Variants in CDK15 observed in about 807,000 individuals in gnomAD.
CDK15 encodes cyclin dependent kinase 15.
A neutral mutation model predicts 60.3 loss-of-function variants in CDK15; 62 were observed. The ratio of observed to expected loss-of-function variants is 1.03; its 90% CI spans 0.84 to 1.27. The LOEUF (loss-of-function observed/expected upper bound fraction) is 1.27, where lower values mean the gene tolerates loss of function less well. Among genes scored for constraint, CDK15 ranks in the 50% most tolerant of loss-of-function variants. The pLI, the probability that CDK15 is intolerant of heterozygous loss-of-function variation, is 0.00. For synonymous variants in CDK15, 194 were observed against 195.7 expected, an observed-to-expected ratio of 0.99 and a Z score of 0.07; for missense variants, 541 against 527.8, an observed-to-expected ratio of 1.03 and a Z score of -0.25.
intron 11 of CDK15, among the ~76,000 whole-genome samples, chr2:201,879,769 C>G (rs145592773): frequency 6.6e-6 from 1 of 151,992 alleles, no homozygotes; most frequent in Non-Finnish European, 1.5e-5. Flanking sequence ...TACATGGTGC[C>G]CAGACACACG....
At chr2:201,889,630 G>C (rs996560619) in intron 12 of CDK15, among the ~76,000 whole-genome samples, 5 of 152,130 alleles carry the variant, frequency 3.3e-5, no homozygotes, top group Non-Finnish European at 7.4e-5. Context: ...CAGGCACTTG[G>C]GAAAATGCGA....
intron 12 of CDK15, among the ~76,000 whole-genome samples, chr2:201,884,177 A>C (rs1032571248): frequency 6.6e-6 from 1 of 152,140 alleles, no homozygotes; most frequent in Non-Finnish European, 1.5e-5. Flanking sequence ...CAGGACATCA[A>C]AGGCTGTCTC....
At position 201,806,773 on chromosome 2, in the gene CDK15, G is replaced by A; in HGVS notation, c.109G>A (p.Glu37Lys). The stretch of plus-strand genomic sequence containing the variant: ...TCGGAGGAGTCAGCCTGAGACCACG[G>A]AGGCTGCGTTCAAGGTATTTGTATC... ...SCRRSQPETT[E>K]AAFKLTDLKE... Residue 37 changes from glutamate (E) to lysine (K), a missense_variant, in exon 1 of 14, where the codon GAG becomes AAG. Coordinates refer to ENST00000652192, the MANE Select transcript of CDK15 (RefSeq NM_001366386.2). 3 of 1,598,490 alleles carry A rather than the reference G, an allele frequency of 1.9e-6. No homozygotes were observed. Among genetic ancestry groups the A allele is most frequent in the Non-Finnish European group, 2.5e-6 (3 of 1,179,676 alleles).
rs534780642 is a variant in CDK15 at position 201,826,182 on chromosome 2, C to T, written c.606+2455C>T. 7.2e-5 allele frequency among the ~76,000 whole-genome samples: 11 copies of T among 152,264 alleles called. No homozygotes were observed. In the East Asian group the frequency reaches 9.7e-4, roughly 13 times the overall value. On this transcript the variant is annotated intron_variant, in intron 6 of 13. Coordinates refer to ENST00000652192, the MANE Select transcript of CDK15 (RefSeq NM_001366386.2). ...TAGTTTCAAGAAGTTTCAGATCGGCCGGGCGCAGTGGCTCACGCCTGTAAT... is the reference window on the plus strand; with the variant it reads ...TAGTTTCAAGAAGTTTCAGATCGGCTGGGCGCAGTGGCTCACGCCTGTAAT...
intron 3 of CDK15, among the ~76,000 whole-genome samples, chr2:201,808,285 AGCGTCT>A (rs1695605601): frequency 6.6e-6 from 1 of 152,218 alleles, no homozygotes; most frequent in Admixed American, 6.5e-5. Context: ...CAGTTGGTAA[AGCGTCT>A]CTAACAGGTT....
chr2:201,888,628 T>A (rs956416493), intron 12 of CDK15: 1 of 1,412,286 alleles, frequency 7.1e-7, no homozygotes, highest in African/African-American at 1.5e-5. Context: ...TTTCTATGAG[T>A]TGGGAAGGAG....
intron 4 of CDK15, among the ~76,000 whole-genome samples, chr2:201,818,401 G>T (rs1026470937): frequency 1.3e-5 from 2 of 152,194 alleles, no homozygotes; most frequent in African/African-American, 4.8e-5. Flanking sequence ...AGTATTTTAT[G>T]AGACTCAGAA....
At chr2:201,868,897 G>A (rs1029358005) in intron 10 of CDK15, among the ~76,000 whole-genome samples, 7 of 152,226 alleles carry the variant, frequency 4.6e-5, no homozygotes, top group African/African-American at 1.7e-4. Flanking sequence ...TGGAGAGGAT[G>A]TGGAGAAATA....
At chr2:201,869,530 A>G (rs770998981) in intron 10 of CDK15, among the ~76,000 whole-genome samples, 2 of 152,080 alleles carry the variant, frequency 1.3e-5, no homozygotes, top group African/African-American at 2.4e-5. Context: ...AAGTACAATA[A>G]TGAAAAAAAT....
chr2:201,816,455 G>GTTTTTTTTTTTTTTTTTT (rs55930032), intron 4 of CDK15, among the ~76,000 whole-genome samples: 7 of 79,854 alleles, frequency 8.8e-5, no homozygotes, highest in Admixed American at 1.6e-4. Flanking sequence ...TAAGGAAATG[G>GTTTTTTTTTTTTTTTTTT]TTTTTTTTTT....
chr2:201,869,557 GA>G (rs1179677621), intron 10 of CDK15, among the ~76,000 whole-genome samples: 16 of 150,286 alleles, frequency 1.1e-4, no homozygotes, highest in East Asian at 3.9e-4. Flanking sequence ...AAAAAAATCA[GA>G]AAAAAAAAGA....
At chr2:201,869,273 G>T (rs561041720) in intron 10 of CDK15, among the ~76,000 whole-genome samples, 3 of 151,540 alleles carry the variant, frequency 2.0e-5, no homozygotes, top group Non-Finnish European at 4.4e-5. Flanking sequence ...GCAAACTATC[G>T]CAAGGACAGA....
chr2:201,841,133 A>T (rs941666965), intron 8 of CDK15, among the ~76,000 whole-genome samples: 1 of 152,222 alleles, frequency 6.6e-6, no homozygotes, highest in African/African-American at 2.4e-5. Flanking sequence ...ACTATGTATT[A>T]GGTTGGTGCA....
intron 11 of CDK15, among the ~76,000 whole-genome samples, chr2:201,877,862 T>C (rs1022730681): frequency 3.9e-5 from 6 of 152,254 alleles, no homozygotes; most frequent in Non-Finnish European, 5.9e-5. Flanking sequence ...AGAAACAGTT[T>C]CATGTCTTGG....
chr2:201,807,959 G>A lies in CDK15; in HGVS notation c.368+7G>A. 6.2e-7 allele frequency: 1 copy of A among 1,610,294 alleles called. No individual in the cohort carries two copies. Among genetic ancestry groups the A allele is most frequent in the Non-Finnish European group, 8.5e-7 (1 of 1,177,972 alleles). ...TTTACAAGGGGATTAGCAGGTGAGT[G>A]ACACATAGCTGGGAGAGACTTTAGA... On this transcript the variant is annotated splice_region_variant and intron_variant, in intron 3 of 13. Transcript: ENST00000652192.
chr2:201,830,094 C>T (rs889807656), intron 6 of CDK15, among the ~76,000 whole-genome samples: 3 of 152,136 alleles, frequency 2.0e-5, no homozygotes, highest in Non-Finnish European at 4.4e-5. Flanking sequence ...AGGTATGAGC[C>T]ACTGTGCCTG....
At chr2:201,815,156 G>A (rs1004304748) in intron 4 of CDK15, among the ~76,000 whole-genome samples, 2 of 152,034 alleles carry the variant, frequency 1.3e-5, no homozygotes, top group African/African-American at 4.8e-5. Context: ...TCCCCATGTT[G>A]GCCAGGCTGG....
chr2:201,863,225 C>G, intron 10 of CDK15, among the ~76,000 whole-genome samples: 1 of 152,196 alleles, frequency 6.6e-6, no homozygotes, highest in African/African-American at 2.4e-5. Flanking sequence ...TTAGTTTTCT[C>G]ATCTTTAATT....
intron 9 of CDK15, among the ~76,000 whole-genome samples, chr2:201,849,201 T>TGCC (rs1697798897): frequency 6.6e-6 from 1 of 152,218 alleles, no homozygotes; most frequent in Non-Finnish European, 1.5e-5. Flanking sequence ...TTATTGAGAA[T>TGCC]TCCATAAAAA....
Sources: allele counts gnomAD v4.1 joint callset (sites outside exome capture counted in the v4.1 genomes callset), GRCh38; gene constraint gnomAD v4.1.1; transcripts MANE v1.5; gene names NCBI Gene and HGNC (gene_info 2026-07-23, HGNC 2026-07-21).